The following PSMB7 variants were observed in gnomAD, a reference collection of about 807,000 sequenced individuals.
PSMB7 encodes proteasome subunit beta type-7.
In PSMB7, 5 loss-of-function variants were observed where a neutral mutation model predicts 28.1. The ratio of observed to expected loss-of-function variants is 0.18; its 90% CI spans 0.09 to 0.37. PSMB7 has a LOEUF of 0.37. Among genes scored for constraint, PSMB7 ranks in the 10% least tolerant of loss-of-function variants. PSMB7 has a pLI of 1.00. For missense variants in PSMB7, 275 were observed against 346.2 expected, an observed-to-expected ratio of 0.79 and a Z score of 1.63; for synonymous variants, 122 against 123.7, an observed-to-expected ratio of 0.99 and a Z score of 0.09.
chr9:124,365,801 G>T (rs1014990087), intron 6 of PSMB7, among the ~76,000 whole-genome samples: 2 of 152,108 alleles, frequency 1.3e-5, no homozygotes, highest in Non-Finnish European at 2.9e-5. Context: ...TGTAGTCTCA[G>T]CTACTTGGGA....
chr9:124,366,710 G>C (rs892636918), intron 6 of PSMB7, among the ~76,000 whole-genome samples: 9 of 152,222 alleles, frequency 5.9e-5, no homozygotes, highest in African/African-American at 2.2e-4. Context: ...TTCATGGTAA[G>C]TGCCCTAGAC....
chr9:124,399,590 G>T (rs1830878413), intron 5 of PSMB7, among the ~76,000 whole-genome samples: 1 of 152,198 alleles, frequency 6.6e-6, no homozygotes, highest in East Asian at 1.9e-4. Flanking sequence ...CAGGAAATGA[G>T]ATGAGAAAAA....
At chr9:124,408,169 CAGAA>C (rs1028992584) in intron 4 of PSMB7, among the ~76,000 whole-genome samples, 3 of 152,172 alleles carry the variant, frequency 2.0e-5, no homozygotes, top group Non-Finnish European at 4.4e-5. Context: ...GCCTGGGCAA[CAGAA>C]AGAGACCCTA....
intron 6 of PSMB7, among the ~76,000 whole-genome samples, chr9:124,369,733 T>C (rs1830543263): frequency 6.6e-6 from 1 of 152,164 alleles, no homozygotes; most frequent in Non-Finnish European, 1.5e-5. Flanking sequence ...TTAACATTCC[T>C]GTCCGGAATG....
intron 6 of PSMB7, among the ~76,000 whole-genome samples, chr9:124,362,237 C>A (rs1011349929): frequency 3.9e-5 from 6 of 152,054 alleles, no homozygotes; most frequent in African/African-American, 1.4e-4. Flanking sequence ...GGTTATTTGC[C>A]GGCAAATATA....
chr9:124,386,309 T>G (rs76297877), intron 5 of PSMB7, among the ~76,000 whole-genome samples: 4,179 of 152,280 alleles, frequency 0.027, 191 homozygotes, highest in African/African-American at 0.095. Flanking sequence ...AAAGTAAACA[T>G]GTCCTTGAAG....
intron 5 of PSMB7, among the ~76,000 whole-genome samples, chr9:124,400,138 A>C (rs1019995623): frequency 2.0e-5 from 3 of 152,132 alleles, no homozygotes; most frequent in African/African-American, 7.2e-5. Context: ...GCACCCATGC[A>C]GCAAACTCTG....
chr9:124,408,510 GATT>G (rs1159509776), intron 4 of PSMB7, among the ~76,000 whole-genome samples: 1 of 152,170 alleles, frequency 6.6e-6, no homozygotes, highest in Non-Finnish European at 1.5e-5. Flanking sequence ...TTATGATAAT[GATT>G]AATGGTTCTT....
intron 6 of PSMB7, among the ~76,000 whole-genome samples, chr9:124,361,255 C>T (rs1830463150): frequency 6.6e-6 from 1 of 152,216 alleles, no homozygotes; most frequent in African/African-American, 2.4e-5. Context: ...ACAAGCAGCA[C>T]TTTATAGAGC....
intron 6 of PSMB7, among the ~76,000 whole-genome samples, chr9:124,377,956 A>G (rs564461733): frequency 6.6e-6 from 1 of 152,270 alleles, no homozygotes; most frequent in Non-Finnish European, 1.5e-5. Context: ...CGCCTCAGGC[A>G]GTGGTAGAAG....
At chr9:124,359,286 T>G (rs1342225286) in intron 6 of PSMB7, among the ~76,000 whole-genome samples, 1 of 152,162 alleles carries the variant, frequency 6.6e-6, no homozygotes, top group African/African-American at 2.4e-5. Context: ...CCAGTCCCAC[T>G]CCATGTCTCA....
chr9:124,387,037 G>A (rs970980458), intron 5 of PSMB7, among the ~76,000 whole-genome samples: 1 of 152,156 alleles, frequency 6.6e-6, no homozygotes, highest in Non-Finnish European at 1.5e-5. Flanking sequence ...ACAAGGTGAG[G>A]AGATTGAGAC....
chr9:124,410,151 C>T (rs151236526), intron 4 of PSMB7, among the ~76,000 whole-genome samples: 67 of 151,998 alleles, frequency 4.4e-4, no homozygotes, highest in Middle Eastern at 6.8e-3. Flanking sequence ...CCCGCCACCA[C>T]GCCCGGCTAA....
At chr9:124,365,232 G>C (rs914630292) in intron 6 of PSMB7, among the ~76,000 whole-genome samples, 1 of 152,152 alleles carries the variant, frequency 6.6e-6, no homozygotes, top group South Asian at 2.1e-4. Flanking sequence ...GAGCCCAGAA[G>C]GGGAAACAAG....
At position 124,353,713 on chromosome 9, in the gene PSMB7, G is replaced by A. The variant is rs767884269; in HGVS notation, c.723-4C>T. 10 of 1,603,324 alleles carry A rather than the reference G, an allele frequency of 6.2e-6. No individual in the cohort carries two copies. The highest frequency in any genetic ancestry group is 8.5e-6 in the Non-Finnish European group (10 of 1,170,206). On this transcript the variant is annotated splice_polypyrimidine_tract_variant and splice_region_variant and intron_variant, in intron 7 of 7. Transcript: ENST00000259457. ...CTCACACCTGTACCGGCCAAGCCTA[G>A]TAAGAGAAAAACAAAAGCACAGAGT...
At position 124,356,137 on chromosome 9, in the gene PSMB7, T is replaced by C. The variant is rs1830402940; in HGVS notation, c.722+627A>G. 6.6e-6 allele frequency among the ~76,000 whole-genome samples: 1 copy of C among 152,088 alleles called. No homozygotes were observed. The highest frequency in any genetic ancestry group is 6.5e-5 in the Admixed American group (1 of 15,272). ...AAGCAGCCGGACAATCACGAGACAC[T>C]GCAAACGAGCTGCTCCTCTGACACA... is the stretch of plus-strand genomic sequence containing the variant. On this transcript the variant is annotated intron_variant, in intron 7 of 7. Coordinates refer to ENST00000259457, the MANE Select transcript of PSMB7 (RefSeq NM_002799.4). This position sits in a 1 kb window ranked among gnomAD's most constrained non-coding sequence, Gnocchi z 4.4.
rs575039562 is a variant in PSMB7, at chr9:124,402,720, A to T, written c.511+2597T>A. 4.3e-4 allele frequency among the ~76,000 whole-genome samples: 65 copies of T among 152,362 alleles called. 1 individual carries two copies. In the Middle Eastern group the frequency reaches 0.02, roughly 48 times the overall value. ...TTTAAGTAAAAAAAAGAAAAAATAAAAACTACTTAATAGAAAAGGTTATTC... is the reference window on the plus strand; with the variant it reads ...TTTAAGTAAAAAAAAGAAAAAATAATAACTACTTAATAGAAAAGGTTATTC... On this transcript the variant is annotated intron_variant, in intron 5 of 7. Coordinates refer to ENST00000259457, the MANE Select transcript of PSMB7 (RefSeq NM_002799.4).
intron 5 of PSMB7, among the ~76,000 whole-genome samples, chr9:124,392,630 C>G (rs760005413): frequency 1.3e-5 from 2 of 152,246 alleles, no homozygotes; most frequent in African/African-American, 2.4e-5. Context: ...TCCTCTCCGA[C>G]AAGCTCCTGG....
intron 3 of PSMB7, among the ~76,000 whole-genome samples, chr9:124,412,765 A>G (rs541368994): frequency 6.6e-6 from 1 of 152,308 alleles, no homozygotes; most frequent in African/African-American, 2.4e-5. Flanking sequence ...TTAATGCTAC[A>G]AATATATCCA....
Sources: gnomAD v4.1 joint callset for allele counts (sites outside exome capture counted in the v4.1 genomes callset) on GRCh38, gnomAD v4.1.1 for gene constraint, Gnocchi (gnomAD v3.1) non-coding constraint, MANE v1.5 for transcripts, NCBI Gene and HGNC (gene_info 2026-07-23, HGNC 2026-07-21) for gene names.